The following ARHGAP31 variants were observed in gnomAD, a reference collection of about 807,000 sequenced individuals.
The protein encoded by ARHGAP31 is rho GTPase-activating protein 31.
A neutral mutation model predicts 113.9 loss-of-function variants in ARHGAP31; 34 were observed. The observed-to-expected ratio is 0.30, with a 90% CI of 0.23 to 0.40. ARHGAP31 has a LOEUF of 0.40. Among genes scored for constraint, ARHGAP31 ranks in the 10% least tolerant of loss-of-function variants. ARHGAP31 has a pLI of 1.00. For missense variants in ARHGAP31, 1,548 were observed against 1,767.1 expected (o/e 0.88, Z 2.22); for synonymous variants, 650 against 684.8 (o/e 0.95, Z 0.79).
At chr3:119,371,633 T>G (rs902743696) in intron 3 of ARHGAP31, among the ~76,000 whole-genome samples, 13 of 152,246 alleles carry the variant, frequency 8.5e-5, no homozygotes, top group African/African-American at 2.9e-4. Flanking sequence ...CTTGCACAGC[T>G]AAAGTAGAAT....
chr3:119,391,694 G>A (rs574960955), intron 7 of ARHGAP31, among the ~76,000 whole-genome samples: 2 of 149,448 alleles, frequency 1.3e-5, no homozygotes, highest in African/African-American at 5.0e-5. Flanking sequence ...GGGCTGAAAG[G>A]CAACCTTTCC....
intron 1 of ARHGAP31, among the ~76,000 whole-genome samples, chr3:119,342,526 C>T (rs971881057): frequency 1.3e-5 from 2 of 152,122 alleles, no homozygotes; most frequent in Admixed American, 1.3e-4. Context: ...ATGACTGCCC[C>T]CAAAACTGGC....
At chr3:119,388,299 G>A (rs13078825) in intron 6 of ARHGAP31, among the ~76,000 whole-genome samples, 1 of 64,416 alleles carries the variant, frequency 1.6e-5, no homozygotes, top group African/African-American at 6.5e-5. Context: ...ATATGTATAT[G>A]TATAATTTTT....
intron 1 of ARHGAP31, among the ~76,000 whole-genome samples, chr3:119,338,900 T>A (rs1204722909): frequency 6.6e-6 from 1 of 152,234 alleles, no homozygotes; most frequent in African/African-American, 2.4e-5. Flanking sequence ...TTAGGGAATA[T>A]TTCTTGCATT....
At chr3:119,328,465 G>A (rs2079864126) in intron 1 of ARHGAP31, among the ~76,000 whole-genome samples, 1 of 152,116 alleles carries the variant, frequency 6.6e-6, no homozygotes, top group Non-Finnish European at 1.5e-5. Flanking sequence ...TCTTTCTTTT[G>A]AGCAGTTAGC....
chr3:119,317,660 T>G (rs1002563275), intron 1 of ARHGAP31, among the ~76,000 whole-genome samples: 4 of 151,466 alleles, frequency 2.6e-5, no homozygotes, highest in Non-Finnish European at 4.4e-5. Context: ...TGCATCCCAA[T>G]TACTGTAGGA....
At chr3:119,365,539 G>T in intron 2 of ARHGAP31, 121 bp downstream of exon 2, 1 of 858,518 alleles carries the variant, frequency 1.2e-6, no homozygotes. Flanking sequence ...TGGCAGCACC[G>T]AAGATCAGAT....
At chr3:119,318,201 T>A (rs938852596) in intron 1 of ARHGAP31, among the ~76,000 whole-genome samples, 2 of 152,072 alleles carry the variant, frequency 1.3e-5, no homozygotes, top group African/African-American at 4.8e-5. Flanking sequence ...ACCCAGGAAG[T>A]CGAGGCTGCA....
intron 1 of ARHGAP31, among the ~76,000 whole-genome samples, chr3:119,356,626 G>T (rs556386989): frequency 5.0e-4 from 74 of 147,938 alleles, no homozygotes; most frequent in African/African-American, 1.8e-3. Context: ...GTAAGACTCT[G>T]TCTCAAAAAA....
chr3:119,303,534 G>A (rs1280061972), intron 1 of ARHGAP31, among the ~76,000 whole-genome samples: 2 of 152,094 alleles, frequency 1.3e-5, no homozygotes, highest in Admixed American at 6.5e-5. Context: ...CTGGTACCAC[G>A]CCCATGGCCT....
chr3:119,370,994 T>C (rs966358966), intron 3 of ARHGAP31, among the ~76,000 whole-genome samples: 2 of 152,232 alleles, frequency 1.3e-5, no homozygotes, highest in African/African-American at 4.8e-5. Flanking sequence ...GTATTTCCAA[T>C]TGGTTAAATT....
At chr3:119,351,176 G>A (rs539423822) in intron 1 of ARHGAP31, among the ~76,000 whole-genome samples, 3 of 152,172 alleles carry the variant, frequency 2.0e-5, no homozygotes, top group Non-Finnish European at 4.4e-5. Context: ...ATACCTAGGG[G>A]AATTCAAAGA....
At position 119,415,109 on chromosome 3, in the gene ARHGAP31, T is replaced by C. The variant is rs771359567; in HGVS notation, c.3180T>C (p.Gly1060=). The C allele has an allele frequency of 6.2e-7, 1 of 1,614,120 alleles. No individual in the cohort carries two copies. The highest frequency in any genetic ancestry group is 1.1e-5 in the South Asian group (1 of 91,078). The change falls in exon 12 of 12, where the codon GGT becomes GGC. Residue 1060 remains glycine (G), a synonymous_variant. Coordinates refer to ENST00000264245, the MANE Select transcript of ARHGAP31 (RefSeq NM_020754.4). ...ACAGCAGTCCACAGATTAGGCAAGG[T>C]GGTGTTCCTGGGCCAGAGAGCAGCA... is the stretch of plus-strand genomic sequence containing the variant. ...LGHSSPQIRQ[G]GVPGPESSKE...
chr3:119,378,254 C>T (rs1266245065), intron 3 of ARHGAP31, among the ~76,000 whole-genome samples: 1 of 152,150 alleles, frequency 6.6e-6, no homozygotes, highest in African/African-American at 2.4e-5. Context: ...TTCTGTGGTC[C>T]TAATGGGACA....
chr3:119,394,718 G>A (rs1192163194), intron 8 of ARHGAP31, among the ~76,000 whole-genome samples: 1 of 152,164 alleles, frequency 6.6e-6, no homozygotes, highest in Non-Finnish European at 1.5e-5. Flanking sequence ...ACTTTGGGAA[G>A]CTGAGGTGGG....
Position 119,415,153 on chromosome 3 carries a change from T to C in ARHGAP31, c.3224T>C (p.Val1075Ala), listed in dbSNP as rs750398961. The C allele has an allele frequency of 1.2e-6, 2 of 1,614,188 alleles. No individual in the cohort carries two copies. Among genetic ancestry groups the C allele is most frequent in the Admixed American group, 3.3e-5 (2 of 60,024 alleles). The change falls in exon 12 of 12, where the codon GTG (valine) becomes GCG (alanine). Residue 1075 changes from valine to alanine, a missense_variant. By Grantham distance (64) the Val-to-Ala change is moderately conservative. Coordinates refer to ENST00000264245, the MANE Select transcript of ARHGAP31 (RefSeq NM_020754.4). Reference protein sequence around the residue: ...PESSKESSPSVQDSTSPGEHP... With the variant: ...PESSKESSPSAQDSTSPGEHP... ...AGCAGCAAGGAGAGTTCACCCAGCG[T>C]GCAGGACAGCACTTCGCCTGGAGAG... is the stretch of plus-strand genomic sequence containing the variant.
intron 4 of ARHGAP31, among the ~76,000 whole-genome samples, chr3:119,381,723 C>T (rs2080398936): frequency 6.6e-6 from 1 of 152,214 alleles, no homozygotes; most frequent in Non-Finnish European, 1.5e-5. Flanking sequence ...TGTGGTGGCT[C>T]ATGCCTGTAA....
At chr3:119,296,127 T>C (rs1374587696) in intron 1 of ARHGAP31, among the ~76,000 whole-genome samples, 3 of 152,246 alleles carry the variant, frequency 2.0e-5, no homozygotes, top group African/African-American at 4.8e-5. Flanking sequence ...ATATCGAATA[T>C]GCATTTCAAA....
intron 8 of ARHGAP31, 22 bp from the exon 9 acceptor site, chr3:119,399,176 GA>G (rs1201048255): frequency 6.2e-7 from 1 of 1,607,692 alleles, no homozygotes; most frequent in Non-Finnish European, 8.5e-7. Context: ...ATTCATCAAG[GA>G]TATTTTTTCT....
Sources: allele counts gnomAD v4.1 joint callset (sites outside exome capture counted in the v4.1 genomes callset), GRCh38; gene constraint gnomAD v4.1.1; transcripts MANE v1.5; gene names NCBI Gene and HGNC (gene_info 2026-07-23, HGNC 2026-07-21).